Variants in ZNF335 observed in about 807,000 individuals in gnomAD.
ZNF335 encodes zinc finger protein 335.
Under a neutral mutation model 145.6 loss-of-function variants are expected in ZNF335, and 84 were observed. That is an observed-to-expected ratio of 0.58 (90% CI 0.48 to 0.69). ZNF335 has a LOEUF of 0.69. ZNF335 is among the 30% of genes least tolerant of loss of function. The pLI is 0.00. For synonymous variants in ZNF335, 761 were observed against 717.0 expected (o/e 1.06, Z -0.98); for missense variants, 1,865 against 1,809.7 (o/e 1.03, Z -0.55).
At position 45,965,092 on chromosome 20, in the gene ZNF335, C is replaced by T. The variant is rs183005205; in HGVS notation, c.1102+536G>A. On this transcript the variant is annotated intron_variant, in intron 7 of 27. Transcript: ENST00000322927. Reference sequence around the variant, plus strand: ...AATACAACAACTCTCCAACCATAAACAGCTGCCACTGTACTCTTTTGTGTG... The same window carrying T: ...AATACAACAACTCTCCAACCATAAATAGCTGCCACTGTACTCTTTTGTGTG... 2.8e-3 allele frequency among the ~76,000 whole-genome samples: 420 copies of T among 151,374 alleles called. 4 individuals are homozygous for T. Among genetic ancestry groups the T allele is most frequent in the Middle Eastern group, 0.01 (3 of 290 alleles).
In ZNF335 at chr20:45,968,003, G is replaced by C. The variant is rs368244656; in HGVS notation, c.545C>G (p.Ser182Cys). 1.2e-5 allele frequency: 20 copies of C among 1,612,486 alleles called. No individual in the cohort carries two copies. Among genetic ancestry groups the C allele is most frequent in the East Asian group, 2.2e-5 (1 of 44,890 alleles). Residue 182 changes from serine to cysteine, a missense_variant, in exon 5 of 28, where the codon TCC becomes TGC. Ser to Cys is a moderately radical substitution (Grantham distance 112). Coordinates refer to ENST00000322927, the MANE Select transcript of ZNF335 (RefSeq NM_022095.4). ...DDGAPMTSPM[S>C]SSTLAHSLAA... The stretch of plus-strand genomic sequence containing the variant: ...TAGGCTGTGGGCCAAGGTGGAACTG[G>C]ACATTGGTGATGTCATGGGGGCTCC...
intron 10 of ZNF335, among the ~76,000 whole-genome samples, chr20:45,961,106 T>G (rs891862628): frequency 6.6e-6 from 1 of 152,244 alleles, no homozygotes; most frequent in Non-Finnish European, 1.5e-5. Flanking sequence ...GGTACATTCT[T>G]TCTGTCTGTC....
chr20:45,950,772 G>T (rs1013338868), intron 20 of ZNF335, among the ~76,000 whole-genome samples, 177 bp from the exon 21 acceptor site: 9 of 152,214 alleles, frequency 5.9e-5, no homozygotes, highest in Admixed American at 5.2e-4. Context: ...ATCTGGTGCT[G>T]CTGTGTCCTA....
intron 18 of ZNF335, 24 bp downstream of exon 18, chr20:45,953,665 G>A: frequency 6.2e-7 from 1 of 1,609,164 alleles, no homozygotes; most frequent in Non-Finnish European, 8.5e-7. Context: ...AGCTGAAAGG[G>A]GCCTTGCAGG....
rs1194262541 is a variant in ZNF335 at position 45,950,557 on chromosome 20, C to T, written c.3228G>A (p.Gln1076=). ...MAQHSSLRPH[Q]CSQCSFASKN... ...TGGAGGCAAAGCTGCACTGGCTACA[C>T]TGGTGGGGCCGTAGGCTTGAGTGCT... The change falls in exon 21 of 28, where the codon CAG becomes CAA. Residue 1076 remains glutamine, a synonymous_variant. Coordinates refer to ENST00000322927, the MANE Select transcript of ZNF335 (RefSeq NM_022095.4). The T allele has an allele frequency of 1.9e-6, 3 of 1,614,042 alleles. No homozygotes were observed. The African/African-American group carries it at 4.0e-5, about 22-fold the overall frequency.
rs2083992246 is a variant in ZNF335 at position 45,968,012 on chromosome 20, GA to G, written c.535del (p.Ser179HisfsTer12). ...QGPDDGAPMT[S>X]PMSSSTLAHS... ...GGCCAAGGTGGAACTGGACATTGGT[GA>G]TGTCATGGGGGCTCCTGGGGATGGG... On this transcript the variant is annotated frameshift_variant, in exon 5 of 28. Coordinates refer to ENST00000322927, the MANE Select transcript of ZNF335 (RefSeq NM_022095.4). LOFTEE classifies it high-confidence loss of function. 6.2e-7 allele frequency: 1 copy of G among 1,612,586 alleles called. No homozygotes were observed. The highest frequency in any genetic ancestry group is 8.5e-7 in the Non-Finnish European group (1 of 1,180,026).
At chr20:45,972,001 A>T (rs1031894210) in intron 1 of ZNF335, 121 bp downstream of exon 1, 6 of 1,189,026 alleles carry the variant, frequency 5.0e-6, no homozygotes, top group East Asian at 6.7e-5. Context: ...AGGGCCTGGG[A>T]CCCCGGGGCC....
In ZNF335 at chr20:45,953,955, C is replaced by CGGCACCAGGGGGCGGGATGGGA. The variant is rs1568809996; in HGVS notation, c.2443-29_2443-8dup. On this transcript the variant is annotated splice_polypyrimidine_tract_variant and splice_region_variant and intron_variant, in intron 17 of 27. Coordinates refer to ENST00000322927, the MANE Select transcript of ZNF335 (RefSeq NM_022095.4). ...CCGACTTCACCACAGCCACCTGCAA[C>CGGCACCAGGGGGCGGGATGGGA]GGCACCAGGGGGCGGGATGGGAGGC... The CGGCACCAGGGGGCGGGATGGGA allele has an allele frequency of 2.5e-6, 4 of 1,578,662 alleles. No individual in the cohort carries two copies. In the Admixed American group the frequency reaches 7.4e-5, roughly 29 times the overall value.
Position 45,959,343 on chromosome 20 carries a change from C to A in ZNF335, c.2111G>T (p.Ser704Ile). The A allele has an allele frequency of 6.3e-7, 1 of 1,586,164 alleles. No individual in the cohort carries two copies. The highest frequency in any genetic ancestry group is 8.6e-7 in the Non-Finnish European group (1 of 1,163,526). The change falls in exon 15 of 28, where the codon AGC (serine) becomes ATC (isoleucine). Residue 704 changes from serine (S) to isoleucine (I), a missense_variant. Transcript: ENST00000322927. The stretch of plus-strand genomic sequence containing the variant: ...GTGGCGCCTCCCCCATTCCTCGAAG[C>A]TGCTTGCGTGTCGGCACCGTACGTG... ...RLHVRCRHASSFEEWGRRHPE... is the reference protein window; with the variant it reads ...RLHVRCRHASIFEEWGRRHPE...
Position 45,960,964 on chromosome 20 carries a change from C to T in ZNF335, c.1647-82G>A. 1.9e-6 allele frequency: 3 copies of T among 1,569,780 alleles called. No individual in the cohort carries two copies. The South Asian group carries it at 3.5e-5, about 18-fold the overall frequency. ...CTCTCACACTGAACAGACCCAGCCT[C>T]AGCTATGAGCCTACTCCCTGCCAAG... On this transcript the variant is annotated intron_variant, in intron 10 of 27. Coordinates refer to ENST00000322927, the MANE Select transcript of ZNF335 (RefSeq NM_022095.4).
intron 9 of ZNF335, 87 bp from the exon 10 acceptor site, chr20:45,962,269 G>A: frequency 9.7e-7 from 1 of 1,033,400 alleles, no homozygotes; most frequent in Non-Finnish European, 1.5e-6. Context: ...ACAGTCTTAG[G>A]GTTGCTGCGG....
intron 11 of ZNF335, 21 bp downstream of exon 11, chr20:45,960,843 A>G (rs1317011427): frequency 6.2e-7 from 1 of 1,613,778 alleles, no homozygotes; most frequent in Non-Finnish European, 8.5e-7. Flanking sequence ...TTCCCTTCCC[A>G]GGCCAGCACG....
chr20:45,958,093 G>A (rs1268519807), intron 15 of ZNF335, among the ~76,000 whole-genome samples, 165 bp from the exon 16 acceptor site: 3 of 150,928 alleles, frequency 2.0e-5, no homozygotes, highest in African/African-American at 7.3e-5. Context: ...CTGTCATGCA[G>A]GCTGGAGTAC....
Position 45,967,755 on chromosome 20 carries a change from G to A in ZNF335, c.793C>T (p.Arg265Trp), listed in dbSNP as rs549713160. 28 of 1,611,832 alleles carry A rather than the reference G, an allele frequency of 1.7e-5. No individual in the cohort carries two copies. Among genetic ancestry groups the A allele is most frequent in the Middle Eastern group, 3.3e-4 (2 of 6,056 alleles). Residue 265 changes from arginine to tryptophan, a missense_variant, in exon 5 of 28, where the codon CGG becomes TGG. Coordinates refer to ENST00000322927, the MANE Select transcript of ZNF335 (RefSeq NM_022095.4). ...GCACCTGGACGGAAGTGGCGTTCCCGCATGTGGCGCAGCAGTGTGGCCTTG... is the reference window on the plus strand; with the variant it reads ...GCACCTGGACGGAAGTGGCGTTCCCACATGTGGCGCAGCAGTGTGGCCTTG... ...STKATLLRHMRERHFRPVAAA... is the reference protein window; with the variant it reads ...STKATLLRHMWERHFRPVAAA...
chr20:45,957,576 G>A lies in ZNF335; in HGVS notation c.2442+10C>T. The A allele has an allele frequency of 2.5e-6, 4 of 1,613,562 alleles. No homozygotes were observed. The highest frequency in any genetic ancestry group is 1.3e-5 in the African/African-American group (1 of 75,028). ...AGCTGGGAAGGGGAGCAGGTTCCCA[G>A]GCAGCTCACCTGCAGGGCTGTGCCC... On this transcript the variant is annotated intron_variant, in intron 17 of 27. Transcript: ENST00000322927.
rs755337564 is a variant in ZNF335, at chr20:45,949,186, T to C, written c.3885A>G (p.Ala1295=). Reference sequence around the variant, plus strand: ...GCTCCATACCTGTGACAGCTGAGTGTGCTGCAGCCTCAAGTTGAGCCTGTG... The same window carrying C: ...GCTCCATACCTGTGACAGCTGAGTGCGCTGCAGCCTCAAGTTGAGCCTGTG... ...LVTQAQLEAA[A]HSAVTAVADA... The change falls in exon 27 of 28, where the codon GCA becomes GCG. Residue 1295 remains alanine, a synonymous_variant. Coordinates refer to ENST00000322927, the MANE Select transcript of ZNF335 (RefSeq NM_022095.4). 2.8e-5 allele frequency: 45 copies of C among 1,613,650 alleles called. No homozygotes were observed. Among genetic ancestry groups the C allele is most frequent in the Non-Finnish European group, 3.6e-5 (43 of 1,179,988 alleles).
At chr20:45,950,148 C>T in intron 22 of ZNF335, 71 bp downstream of exon 22, 1 of 1,591,418 alleles carries the variant, frequency 6.3e-7, no homozygotes, top group Non-Finnish European at 8.6e-7. Flanking sequence ...CCCAGTGGTG[C>T]CTTTTGGGGC....
In ZNF335 at chr20:45,957,840, T is replaced by C; in HGVS notation, c.2342A>G (p.Gln781Arg). The C allele has an allele frequency of 6.2e-7, 1 of 1,613,976 alleles. No homozygotes were observed. The highest frequency in any genetic ancestry group is 8.5e-7 in the Non-Finnish European group (1 of 1,179,988). Reference sequence around the variant, plus strand: ...TATCCTCCTACAGAGCTCACCTTGCTGGTAGATGATGGTGGCGCCGCCCAG... The same window carrying C: ...TATCCTCCTACAGAGCTCACCTTGCCGGTAGATGATGGTGGCGCCGCCCAG... Reference protein sequence around the residue: ...DTLGGATIIYQQGAEESTAMA... With the variant: ...DTLGGATIIYRQGAEESTAMA... The change falls in exon 16 of 28, where the codon CAG becomes CGG. Residue 781 changes from glutamine to arginine, a missense_variant. Transcript: ENST00000322927.
Position 45,950,376 on chromosome 20 carries a change from G to A in ZNF335, c.3333-3C>T. 1 of 1,603,534 alleles carries A rather than the reference G, an allele frequency of 6.2e-7. No individual in the cohort carries two copies. The highest frequency in any genetic ancestry group is 1.1e-5 in the South Asian group (1 of 89,994). On this transcript the variant is annotated splice_region_variant and splice_polypyrimidine_tract_variant and intron_variant, in intron 21 of 27. Coordinates refer to ENST00000322927, the MANE Select transcript of ZNF335 (RefSeq NM_022095.4). ...TGAGGTGCCCGTTACGGTTGAAACT[G>A]AGGGGGATGAAAGGTGGCTCAGGTT... is the stretch of plus-strand genomic sequence containing the variant.
Sources: gnomAD v4.1 joint callset for allele counts (sites outside exome capture counted in the v4.1 genomes callset) on GRCh38, gnomAD v4.1.1 for gene constraint, MANE v1.5 for transcripts, NCBI Gene and HGNC (gene_info 2026-07-23, HGNC 2026-07-21) for gene names.